MEMO1: variants seen among roughly 807,000 people sequenced by gnomAD.
MEMO1 encodes the protein protein MEMO1.
MEMO1 carries 6 observed loss-of-function variants against 45.2 expected under a neutral mutation model. The ratio of observed to expected loss-of-function variants is 0.13; its 90% CI spans 0.07 to 0.26. The LOEUF is 0.26. Among genes scored for constraint, MEMO1 ranks in the 10% least tolerant of loss-of-function variants. The pLI is 1.00. For synonymous variants in MEMO1, 78 were observed against 124.3 expected (o/e 0.63, Z 2.48); for missense variants, 184 against 370.5 (o/e 0.50, Z 4.13).
intron 6 of MEMO1, among the ~76,000 whole-genome samples, chr2:31,903,205 A>G (rs1473738207): frequency 6.6e-6 from 1 of 152,112 alleles, no homozygotes; most frequent in African/African-American, 2.4e-5. Context: ...TTTCCTTCCT[A>G]TACAAATTCT....
intron 4 of MEMO1, among the ~76,000 whole-genome samples, chr2:31,930,471 C>CATAAA (rs1664010501): frequency 6.6e-6 from 1 of 152,008 alleles, no homozygotes; most frequent in East Asian, 1.9e-4. Flanking sequence ...CTATCTATAC[C>CATAAA]CCTCTACAAA....
At chr2:31,905,081 A>T (rs537623241) in intron 6 of MEMO1, among the ~76,000 whole-genome samples, 1 of 152,274 alleles carries the variant, frequency 6.6e-6, no homozygotes, top group Admixed American at 6.5e-5. Context: ...AAAAAATATA[A>T]AAATTGGCCA....
intron 2 of MEMO1, 70 bp downstream of exon 2, chr2:32,010,117 C>T (rs1288454451): frequency 1.2e-6 from 1 of 827,126 alleles, no homozygotes; most frequent in Non-Finnish European, 1.5e-6. Context: ...GCCGGGCCGC[C>T]GACCTCGGCC....
chr2:31,944,712 T>C (rs1445271932), intron 2 of MEMO1, among the ~76,000 whole-genome samples: 1 of 152,190 alleles, frequency 6.6e-6, no homozygotes, highest in East Asian at 1.9e-4. Context: ...TGCAAATGTG[T>C]CATACTAACA....
intron 2 of MEMO1, among the ~76,000 whole-genome samples, chr2:31,980,616 T>C (rs182543173): frequency 6.6e-6 from 1 of 152,120 alleles, no homozygotes; most frequent in Admixed American, 6.6e-5. Context: ...CTATATAAGA[T>C]GATATAGGAT....
chr2:31,996,275 C>T lies in MEMO1; in HGVS notation c.61+13912G>A, dbSNP rs184607798. 3.2e-4 allele frequency among the ~76,000 whole-genome samples: 49 copies of T among 151,916 alleles called. No homozygotes were observed. The East Asian group carries it at 8.9e-3, about 28-fold the overall frequency. The stretch of plus-strand genomic sequence containing the variant: ...CAAGAAAACTAAAAGAGGCATGGCA[C>T]GGTGGCTCACACCTGTAATCCCAGC... On this transcript the variant is annotated intron_variant, in intron 2 of 9. Coordinates refer to ENST00000404530, the MANE Select transcript of MEMO1 (RefSeq NM_001301833.4).
intron 2 of MEMO1, among the ~76,000 whole-genome samples, chr2:31,987,673 G>A (rs919570078): frequency 5.9e-5 from 9 of 152,300 alleles, no homozygotes; most frequent in Non-Finnish European, 1.2e-4. Context: ...AAAGATTATA[G>A]TGGTGATGTC....
Position 31,992,766 on chromosome 2 carries a change from A to G in MEMO1, c.61+17421T>C, listed in dbSNP as rs1021242215. The stretch of plus-strand genomic sequence containing the variant: ...GCCACTGCACTCCAGCCTGGGTGAC[A>G]GAGTGAGACTCCGTCTCAAATTTAA... On this transcript the variant is annotated intron_variant, in intron 2 of 9. Transcript: ENST00000404530. Among the ~76,000 whole-genome samples, 6 of 152,160 alleles carry G rather than the reference A, an allele frequency of 3.9e-5. No individual in the cohort carries two copies. In the South Asian group the frequency reaches 8.3e-4, roughly 21 times the overall value.
At position 31,900,684 on chromosome 2, in the gene MEMO1, TA is replaced by T. The variant is rs530751095; in HGVS notation, c.438-8551del. 2.5e-3 allele frequency among the ~76,000 whole-genome samples: 358 copies of T among 141,802 alleles called. 5 individuals carry two copies. The South Asian group carries it at 0.041, about 16-fold the overall frequency. 93.0% of individuals were successfully genotyped at this position (141,802 alleles called of 152,430 possible). On this transcript the variant is annotated intron_variant, in intron 6 of 9. Transcript: ENST00000404530. ...TCCCAGAACTTAAAGTACAATAATT[TA>T]AAAAAAAAAAAAGTTGCTCAACATC... is the stretch of plus-strand genomic sequence containing the variant.
rs193068973 is a variant in MEMO1, at chr2:31,920,186, C to A, written c.325+612G>T. On this transcript the variant is annotated intron_variant, in intron 5 of 9. Transcript: ENST00000404530. ...ACTCCCCCCCCCAAAAGAAAAAATA[C>A]CTTTATAAAATCAAAAGATTTTTAC... 3.1e-3 allele frequency among the ~76,000 whole-genome samples: 467 copies of A among 151,516 alleles called. 1 individual carries two copies. The highest frequency in any genetic ancestry group is 0.011 in the African/African-American group (440 of 41,278).
chr2:31,988,376 G>A (rs142361085), intron 2 of MEMO1, among the ~76,000 whole-genome samples: 138 of 151,856 alleles, frequency 9.1e-4, no homozygotes, highest in African/African-American at 3.0e-3. Context: ...GTAAAACCCC[G>A]TCTCTACTGA....
At chr2:31,986,333 G>A (rs542493343) in intron 2 of MEMO1, among the ~76,000 whole-genome samples, 117 of 152,078 alleles carry the variant, frequency 7.7e-4, no homozygotes, top group African/African-American at 2.7e-3. Flanking sequence ...TTAACCAGGC[G>A]TGGTGGCGGG....
At chr2:31,993,280 A>T (rs1672167158) in intron 2 of MEMO1, among the ~76,000 whole-genome samples, 1 of 152,268 alleles carries the variant, frequency 6.6e-6, no homozygotes, top group Admixed American at 6.5e-5. Context: ...ATGAGGAAGT[A>T]ACAGGTCCAA....
At chr2:31,870,031 A>T (rs1333637463) in intron 8 of MEMO1, 79 bp from the exon 9 acceptor site, 1 of 1,101,624 alleles carries the variant, frequency 9.1e-7, no homozygotes, top group Non-Finnish European at 1.2e-6. Context: ...TATATTTTAA[A>T]ACTGTTACTT....
At chr2:31,933,199 A>G (rs1017290642) in intron 3 of MEMO1, among the ~76,000 whole-genome samples, 2 of 150,890 alleles carry the variant, frequency 1.3e-5, no homozygotes, top group Admixed American at 1.3e-4. Flanking sequence ...ACATGCCTGT[A>G]GTCCCAGCTA....
At chr2:31,941,989 A>C (rs1665669800) in intron 3 of MEMO1, among the ~76,000 whole-genome samples, 1 of 152,234 alleles carries the variant, frequency 6.6e-6, no homozygotes, top group African/African-American at 2.4e-5. Context: ...CCTTAACCCA[A>C]TAGAAGTCAC....
At chr2:31,944,352 A>G (rs1025386734) in intron 2 of MEMO1, among the ~76,000 whole-genome samples, 2 of 152,182 alleles carry the variant, frequency 1.3e-5, no homozygotes, top group Non-Finnish European at 2.9e-5. Context: ...TATCACTTCC[A>G]GAAGATAATG....
chr2:31,914,033 C>T (rs941537674), intron 6 of MEMO1, among the ~76,000 whole-genome samples: 5 of 152,112 alleles, frequency 3.3e-5, no homozygotes, highest in African/African-American at 4.8e-5. Flanking sequence ...GGATTCACCA[C>T]GTGAAGAGAG....
intron 2 of MEMO1, among the ~76,000 whole-genome samples, chr2:32,004,227 A>G (rs1469490032): frequency 2.0e-5 from 3 of 152,136 alleles, no homozygotes; most frequent in Non-Finnish European, 4.4e-5. Flanking sequence ...TAATTCACTG[A>G]CACACCAAGA....
Sources: gnomAD v4.1 joint callset for allele counts (sites outside exome capture counted in the v4.1 genomes callset) on GRCh38, gnomAD v4.1.1 for gene constraint, MANE v1.5 for transcripts, NCBI Gene and HGNC (gene_info 2026-07-23, HGNC 2026-07-21) for gene names.